The following PLS3 variants were observed in gnomAD, a reference collection of about 807,000 sequenced individuals.
The protein encoded by PLS3 is plastin 3, also known as plastin-3.
Under a neutral mutation model 46.5 loss-of-function variants are expected in PLS3, and 11 were observed. The ratio of observed to expected loss-of-function variants is 0.24; its 90% confidence interval spans 0.15 to 0.39. PLS3 has a LOEUF of 0.39. Ranked by LOEUF, PLS3 falls within the 10% of genes least tolerant of loss-of-function variation. PLS3 has a pLI of 1.00. For missense variants in PLS3, 308 were observed against 461.8 expected (o/e 0.67, Z 3.05); for synonymous variants, 167 against 162.2 (o/e 1.03, Z -0.22).
At chrX:115,632,292 T>G (rs1226980901) in intron 5 of PLS3, among the ~76,000 whole-genome samples, 2 of 110,805 alleles carry the variant, frequency 1.8e-5, no homozygotes, top group African/African-American at 6.6e-5. Context: ...TAGGGCAGTA[T>G]TATGAACATC....
chrX:115,644,992 T>A, intron 10 of PLS3, 29 bp from the exon 11 acceptor site: 1 of 919,541 alleles, frequency 1.1e-6, no homozygotes. Context: ...GTTTAATGAA[T>A]CAGTAAATTT....
chrX:115,638,516 A>T (rs1445945215), intron 8 of PLS3, among the ~76,000 whole-genome samples: 1 of 110,735 alleles, frequency 9.0e-6, no homozygotes, highest in African/African-American at 3.3e-5. Flanking sequence ...AAATGCTGGG[A>T]TTACAGGCAT....
At chrX:115,621,579 A>G (rs2074655720) in intron 2 of PLS3, among the ~76,000 whole-genome samples, 1 of 111,371 alleles carries the variant, frequency 9.0e-6, no homozygotes, top group Non-Finnish European at 1.9e-5. Context: ...TAAAAGCTTC[A>G]GAATAAACAT....
intron 1 of PLS3, among the ~76,000 whole-genome samples, chrX:115,585,257 A>T (rs1158614836): frequency 1.8e-5 from 2 of 112,181 alleles, no homozygotes; most frequent in African/African-American, 6.5e-5. Context: ...GCCAACTAGT[A>T]TAGTGCCTTT....
intron 2 of PLS3, among the ~76,000 whole-genome samples, chrX:115,616,869 C>CT (rs2074602953): frequency 9.0e-6 from 1 of 111,409 alleles, no homozygotes; most frequent in African/African-American, 3.3e-5. Flanking sequence ...AAAATTGACT[C>CT]TAACTAACAC....
intron 1 of PLS3, among the ~76,000 whole-genome samples, chrX:115,582,766 G>A (rs1047991459): frequency 1.8e-5 from 2 of 112,628 alleles, no homozygotes; most frequent in African/African-American, 6.4e-5. Context: ...TAGGCCAAGC[G>A]TGGTAGCTCA....
intron 2 of PLS3, among the ~76,000 whole-genome samples, chrX:115,618,297 T>A (rs965792371): frequency 9.0e-6 from 1 of 111,585 alleles, no homozygotes; most frequent in African/African-American, 3.3e-5. Context: ...TAAACTAGAG[T>A]CAAAGCACAG....
chrX:115,620,228 T>A (rs1023877929), intron 2 of PLS3, among the ~76,000 whole-genome samples: 2 of 110,171 alleles, frequency 1.8e-5, no homozygotes, highest in African/African-American at 3.3e-5. Context: ...TCTCTCATTT[T>A]CCCCCTTGTT....
At chrX:115,568,342 A>G (rs782305411) in intron 1 of PLS3, among the ~76,000 whole-genome samples, 2 of 112,362 alleles carry the variant, frequency 1.8e-5, no homozygotes, top group East Asian at 5.6e-4. Flanking sequence ...GAAAAATTCA[A>G]GGTAACTATA....
intron 11 of PLS3, among the ~76,000 whole-genome samples, chrX:115,645,856 G>C (rs1316119973): frequency 1.8e-5 from 2 of 111,916 alleles, no homozygotes; most frequent in Non-Finnish European, 3.8e-5. Flanking sequence ...CCAGCCTCTA[G>C]AACAGTGCCT....
intron 2 of PLS3, among the ~76,000 whole-genome samples, chrX:115,617,363 A>C (rs959181123): frequency 1.8e-5 from 2 of 111,513 alleles, no homozygotes; most frequent in Non-Finnish European, 3.8e-5. Context: ...AACAAAGGGA[A>C]TGAGATTGAA....
intron 7 of PLS3, among the ~76,000 whole-genome samples, chrX:115,635,484 T>C (rs978518611): frequency 1.9e-4 from 21 of 108,271 alleles, no homozygotes; most frequent in Non-Finnish European, 3.8e-4. Context: ...ACCCCGTTTC[T>C]ACTAAAAATA....
chrX:115,581,585 A>G (rs2074279719), intron 1 of PLS3, among the ~76,000 whole-genome samples: 1 of 111,989 alleles, frequency 8.9e-6, no homozygotes, highest in South Asian at 3.7e-4. Context: ...TGGGTGAGGG[A>G]AAATTGAATG....
chrX:115,593,313 T>A (rs2074358083), intron 1 of PLS3, among the ~76,000 whole-genome samples: 1 of 108,888 alleles, frequency 9.2e-6, no homozygotes, highest in Non-Finnish European at 1.9e-5. Context: ...TAAATTCCCC[T>A]GAGTCCTTAT....
At chrX:115,614,371 G>T in intron 2 of PLS3, 1 of 750,690 alleles carries the variant, frequency 1.3e-6, no homozygotes, top group African/African-American at 2.3e-5. Context: ...ATTTTTGATT[G>T]CCTGGTCTCA....
In PLS3 at chrX:115,622,356, C is replaced by T; in HGVS notation, c.184C>T (p.Leu62=). The part of the protein sequence containing the change: ...KVREIIQKLM[L]DGDRNKDGKI... ...GAGAGAAATTATTCAGAAACTCATGCTGGATGGTGACAGGAATAAAGATGG... is the reference window on the plus strand; with the variant it reads ...GAGAGAAATTATTCAGAAACTCATGTTGGATGGTGACAGGAATAAAGATGG... Residue 62 remains leucine (L), a synonymous_variant, in exon 3 of 16, where the codon CTG becomes TTG. Coordinates refer to ENST00000355899, the MANE Select transcript of PLS3 (RefSeq NM_005032.7). 8.4e-7 allele frequency: 1 copy of T among 1,196,238 alleles called. No individual in the cohort carries two copies. The highest frequency in any genetic ancestry group is 1.1e-6 in the Non-Finnish European group (1 of 883,542).
chrX:115,585,608 T>C (rs782002616), intron 1 of PLS3, among the ~76,000 whole-genome samples: 1 of 110,803 alleles, frequency 9.0e-6, no homozygotes, highest in African/African-American at 3.3e-5. Context: ...GCCAGGCTGA[T>C]CTCAAACTCC....
rs1556641932 is a variant in PLS3 at position 115,647,591 on chromosome X, A to T, written c.1553A>T (p.Lys518Ile). The part of the protein sequence containing the change: ...NVLEDLGDGQ[K>I]ANDDIIVNWV... ...CTGGAAGATCTTGGAGATGGTCAGA[A>T]AGCCAATGACGACATCATTGTGAAC... Residue 518 changes from lysine to isoleucine, a missense_variant, in exon 14 of 16, where the codon AAA (lysine) becomes ATA (isoleucine). Lys to Ile is a moderately radical substitution (Grantham distance 102, BLOSUM62 -3). This residue lies in a region of PLS3 where 271 missense variants were observed against 435.7 expected (regional missense o/e 0.62). Transcript: ENST00000355899. 8.3e-7 allele frequency: 1 copy of T among 1,201,611 alleles called. No homozygotes were observed. Among genetic ancestry groups the T allele is most frequent in the South Asian group, 1.8e-5 (1 of 56,692 alleles).
At chrX:115,599,351 A>AAG (rs2074418793) in intron 1 of PLS3, among the ~76,000 whole-genome samples, 1 of 105,074 alleles carries the variant, frequency 9.5e-6, no homozygotes, top group African/African-American at 3.4e-5. Flanking sequence ...AAAAAAAAAA[A>AAG]AAAGAAATAA....
Sources: allele counts gnomAD v4.1 joint callset (sites outside exome capture counted in the v4.1 genomes callset), GRCh38; gene constraint gnomAD v4.1.1; regional missense constraint gnomAD v4.1.1; transcripts MANE v1.5; gene names NCBI Gene and HGNC (gene_info 2026-07-23, HGNC 2026-07-21).